PREP: variants seen among roughly 807,000 people sequenced by gnomAD.
PREP encodes dJ355L5.1 (prolyl endopeptidase).
Under a neutral mutation model 87.6 loss-of-function variants are expected in PREP, and 29 were observed. That is an observed-to-expected ratio of 0.33 (90% CI 0.25 to 0.45). The LOEUF (loss-of-function observed/expected upper bound fraction) is 0.45. Among genes scored for constraint, PREP ranks in the 20% least tolerant of loss-of-function variants. PREP has a pLI of 1.00. For missense variants in PREP, 695 were observed against 886.5 expected, an observed-to-expected ratio of 0.78 and a Z score of 2.74; for synonymous variants, 337 against 328.6, an observed-to-expected ratio of 1.03 and a Z score of -0.28.
intron 10 of PREP, among the ~76,000 whole-genome samples, chr6:105,308,549 A>C (rs1206320548): frequency 1.3e-5 from 2 of 152,216 alleles, no homozygotes; most frequent in Non-Finnish European, 2.9e-5. Context: ...AAAAAATTTC[A>C]CAGAAGTAAA....
intron 7 of PREP, among the ~76,000 whole-genome samples, chr6:105,351,209 G>T (rs1771943175): frequency 6.6e-6 from 1 of 152,206 alleles, no homozygotes. Flanking sequence ...AATGAAGAGA[G>T]ATTATCCTGG....
In PREP at chr6:105,277,319, T is replaced by C. The variant is rs1308375539; in HGVS notation, c.*825A>G. The stretch of plus-strand genomic sequence containing the variant: ...TTGGATAATTTACTCATGTGATCTC[T>C]TGGAACCAAGGATCCTTGGATCCAA... On this transcript the variant is annotated 3_prime_UTR_variant, in exon 15 of 15. Coordinates refer to ENST00000652536, the MANE Select transcript of PREP (RefSeq NM_002726.5). 1.3e-5 allele frequency among the ~76,000 whole-genome samples: 2 copies of C among 152,182 alleles called. No individual in the cohort carries two copies. The highest frequency in any genetic ancestry group is 4.8e-5 in the African/African-American group (2 of 41,452).
intron 10 of PREP, chr6:105,302,672 T>A: frequency 2.1e-6 from 1 of 485,522 alleles, no homozygotes; most frequent in Non-Finnish European, 4.0e-6. Context: ...GCAATGGAAT[T>A]GTGGATGACA....
chr6:105,322,809 G>T, intron 10 of PREP: 11 of 1,106,144 alleles, frequency 9.9e-6, no homozygotes, highest in Non-Finnish European at 1.2e-5. Flanking sequence ...TGATCTAGAT[G>T]TAGCCTATCA....
rs1184096728 is a variant in PREP, at chr6:105,373,277, A to C, written c.595+92T>G. On this transcript the variant is annotated intron_variant, in intron 5 of 14. Coordinates refer to ENST00000652536, the MANE Select transcript of PREP (RefSeq NM_002726.5). ...GAGGAAACATGGTTCTGGACCACAC[A>C]ACCTCTATGTAGGGTTCAGCATCTC... is the stretch of plus-strand genomic sequence containing the variant. The C allele has an allele frequency of 2.9e-6, 4 of 1,380,236 alleles. No individual in the cohort carries two copies. The South Asian group carries it at 3.7e-5, about 13-fold the overall frequency. The allele number at this position is 1,380,236 out of a possible 1,614,324, so 85.5% of individuals were successfully genotyped here. A position where few individuals can be genotyped will look rare whatever the true frequency, so the allele number is the denominator to read the frequency against.
Position 105,373,398 on chromosome 6 carries a change from G to A in PREP, c.566C>T (p.Ser189Leu), listed in dbSNP as rs752476540. ...THDGKGMFYN[S>L]YPQQDGKSDG... is the part of the protein sequence containing the mutation. The stretch of plus-strand genomic sequence containing the variant: ...ACTTTTTCCATCCTGTTGAGGGTAT[G>A]AGTTGTAGAACATTCCCTTCCCATC... The change falls in exon 5 of 15, where the codon TCA becomes TTA. Residue 189 changes from serine (S) to leucine (L), a missense_variant. This residue lies in a region of PREP where 517 missense variants were observed against 620.3 expected (regional missense o/e 0.83). Coordinates refer to ENST00000652536, the MANE Select transcript of PREP (RefSeq NM_002726.5). The A allele has an allele frequency of 3.7e-6, 6 of 1,614,154 alleles. No homozygotes were observed. Among genetic ancestry groups the A allele is most frequent in the Non-Finnish European group, 2.5e-6 (3 of 1,180,024 alleles).
chr6:105,331,746 A>ATCTGTTC (rs1771340113), intron 8 of PREP, among the ~76,000 whole-genome samples: 1 of 152,234 alleles, frequency 6.6e-6, no homozygotes, highest in African/African-American at 2.4e-5. Context: ...ATGGTCAAAA[A>ATCTGTTC]TCTGTTCTGT....
intron 10 of PREP, among the ~76,000 whole-genome samples, chr6:105,309,769 C>T (rs1437821246): frequency 6.6e-6 from 1 of 152,198 alleles, no homozygotes; most frequent in Non-Finnish European, 1.5e-5. Flanking sequence ...GCTCCTTCTC[C>T]TTTGAAGGCC....
intron 6 of PREP, among the ~76,000 whole-genome samples, chr6:105,359,464 C>T (rs1428652406): frequency 2.6e-5 from 4 of 152,160 alleles, no homozygotes; most frequent in African/African-American, 9.7e-5. Flanking sequence ...ATGCTTAAAA[C>T]TCAAAGGCTA....
At position 105,278,482 on chromosome 6, in the gene PREP, G is replaced by C. The variant is rs1471394117; in HGVS notation, c.1839-44C>G. 6.4e-7 allele frequency: 1 copy of C among 1,557,770 alleles called. No homozygotes were observed. Among genetic ancestry groups the C allele is most frequent in the South Asian group, 1.2e-5 (1 of 84,292 alleles). ...TTTGTGAGGCTGGAGAGCAACAGTA[G>C]AGTTTTATGGCACAGGGACCTAGGT... On this transcript the variant is annotated intron_variant, in intron 14 of 14. Coordinates refer to ENST00000652536, the MANE Select transcript of PREP (RefSeq NM_002726.5). This position sits in a 1 kb window ranked among gnomAD's most constrained non-coding sequence, Gnocchi z 4.2.
chr6:105,329,690 TA>T (rs988186557), intron 8 of PREP, among the ~76,000 whole-genome samples: 1 of 152,140 alleles, frequency 6.6e-6, no homozygotes, highest in African/African-American at 2.4e-5. Context: ...GTTTATTAGA[TA>T]AAAATGTAAT....
Position 105,322,225 on chromosome 6 carries a change from A to G in PREP, c.1317+1440T>C. 3.5e-6 allele frequency: 3 copies of G among 869,436 alleles called. No homozygotes were observed. In the South Asian group the frequency reaches 1.6e-4, roughly 47 times the overall value. The allele number at this position is 869,436 out of a possible 1,614,324, so 53.9% of individuals were successfully genotyped here. ...AGGATCTCCCTCCAGGCAATGGCTC[A>G]CCATGAAAACAAAATAAGCAGCAGC... On this transcript the variant is annotated intron_variant, in intron 10 of 14. Coordinates refer to ENST00000652536, the MANE Select transcript of PREP (RefSeq NM_002726.5).
intron 12 of PREP, among the ~76,000 whole-genome samples, chr6:105,284,078 T>C (rs964533030): frequency 2.0e-5 from 3 of 152,194 alleles, no homozygotes; most frequent in African/African-American, 7.2e-5. Context: ...ATCAAACATA[T>C]GGTATACAGA....
rs866392830 is a variant in PREP, at chr6:105,354,719, G to C, written c.718-1642C>G. On this transcript the variant is annotated intron_variant, in intron 6 of 14. Transcript: ENST00000652536. The stretch of plus-strand genomic sequence containing the variant: ...GAACTCTTCCTTGAGTCTCCAGCCT[G>C]TGGGCCTACCCTGCAGGGTTAGGAC... Among the ~76,000 whole-genome samples, 47 of 152,216 alleles carry C rather than the reference G, an allele frequency of 3.1e-4. 1 individual carries two copies. Among genetic ancestry groups the C allele is most frequent in the Admixed American group, 5.2e-4 (8 of 15,284 alleles).
chr6:105,377,096 G>C (rs1272821616), intron 3 of PREP, among the ~76,000 whole-genome samples: 2 of 152,182 alleles, frequency 1.3e-5, no homozygotes, highest in African/African-American at 4.8e-5. Context: ...AACCTCCACT[G>C]CTGTCTATGA....
chr6:105,287,734 G>T (rs144741022), intron 11 of PREP, among the ~76,000 whole-genome samples: 1 of 152,322 alleles, frequency 6.6e-6, no homozygotes, highest in African/African-American at 2.4e-5. Flanking sequence ...CTGTGAATCA[G>T]ATTTCATATG....
Position 105,329,030 on chromosome 6 carries a change from A to C in PREP, c.1016-4T>G. 6.2e-7 allele frequency: 1 copy of C among 1,611,596 alleles called. No individual in the cohort carries two copies. On this transcript the variant is annotated splice_region_variant and splice_polypyrimidine_tract_variant and intron_variant, in intron 8 of 14. Coordinates refer to ENST00000652536, the MANE Select transcript of PREP (RefSeq NM_002726.5). ...GACCTGACACAAGCTATCCATTCTG[A>C]AAGGATAAGAAGAGAAAAAACCTAA...
At chr6:105,312,703 C>T (rs1366109381) in intron 10 of PREP, among the ~76,000 whole-genome samples, 2 of 152,152 alleles carry the variant, frequency 1.3e-5, no homozygotes, top group African/African-American at 4.8e-5. Flanking sequence ...ACACTGAGCT[C>T]CCAGGGGCAG....
intron 9 of PREP, among the ~76,000 whole-genome samples, chr6:105,326,794 G>A (rs1771171362): frequency 6.6e-6 from 1 of 152,204 alleles, no homozygotes; most frequent in African/African-American, 2.4e-5. Context: ...GCAGAGAAAA[G>A]AGAAAAATGG....
Sources: allele counts gnomAD v4.1 joint callset (sites outside exome capture counted in the v4.1 genomes callset), GRCh38; gene constraint gnomAD v4.1.1; regional missense constraint gnomAD v4.1.1; non-coding constraint Gnocchi (gnomAD v3.1); transcripts MANE v1.5; gene names NCBI Gene and HGNC (gene_info 2026-07-23, HGNC 2026-07-21).